Variants in ROBO2 observed in about 807,000 individuals in gnomAD.
ROBO2 encodes the protein roundabout guidance receptor 2.
Under a neutral mutation model 160.8 loss-of-function variants are expected in ROBO2, and 53 were observed. The ratio of observed to expected loss-of-function variants is 0.33; its 90% CI spans 0.26 to 0.41. ROBO2 has a LOEUF of 0.41. Ranked by LOEUF, ROBO2 falls within the 10% of genes least tolerant of loss-of-function variation. ROBO2 has a pLI of 1.00. For synonymous variants in ROBO2, 664 were observed against 611.7 expected (o/e 1.09, Z -1.26); for missense variants, 1,577 against 1,722.4 (o/e 0.92, Z 1.49).
At chr3:77,612,536 TG>T (rs2094668532) in intron 21 of ROBO2, among the ~76,000 whole-genome samples, 2 of 152,176 alleles carry the variant, frequency 1.3e-5, no homozygotes, top group African/African-American at 4.8e-5. Flanking sequence ...TTTTGGTACA[TG>T]GTAGGTAGAT....
At chr3:75,958,143 A>G (rs552957458) in intron 2 of ROBO2, among the ~76,000 whole-genome samples, 2 of 151,956 alleles carry the variant, frequency 1.3e-5, no homozygotes, top group South Asian at 4.1e-4. Flanking sequence ...CTTAGAATTT[A>G]GAATTTGGTG....
intron 1 of ROBO2, among the ~76,000 whole-genome samples, chr3:75,921,824 A>G (rs529431826): frequency 1.3e-5 from 2 of 152,320 alleles, no homozygotes; most frequent in African/African-American, 4.8e-5. Flanking sequence ...AATGTTAAGT[A>G]GTAGAAATAT....
intron 20 of ROBO2, among the ~76,000 whole-genome samples, chr3:77,604,325 C>A (rs1336543006): frequency 2.6e-5 from 4 of 152,042 alleles, no homozygotes; most frequent in Non-Finnish European, 5.9e-5. Flanking sequence ...TTATCCTGGG[C>A]TTCCTTTTTA....
intron 2 of ROBO2, among the ~76,000 whole-genome samples, chr3:75,946,499 T>A (rs1257606017): frequency 1.3e-5 from 2 of 152,124 alleles, no homozygotes; most frequent in Non-Finnish European, 2.9e-5. Flanking sequence ...GGTACACTAC[T>A]GTGAAGAAGA....
intron 7 of ROBO2, among the ~76,000 whole-genome samples, chr3:77,549,997 G>A (rs533664196): frequency 8.7e-6 from 1 of 114,628 alleles, no homozygotes; most frequent in East Asian, 2.5e-4. Flanking sequence ...ATACTCAAAT[G>A]TTTTTCTTAA....
chr3:75,999,038 G>C (rs1189439987), intron 2 of ROBO2, among the ~76,000 whole-genome samples: 1 of 152,178 alleles, frequency 6.6e-6, no homozygotes, highest in Non-Finnish European at 1.5e-5. Context: ...AGGTGGTAGA[G>C]TGTAGTGAAT....
chr3:76,296,684 G>C (rs1240592335), intron 2 of ROBO2, among the ~76,000 whole-genome samples: 1 of 152,158 alleles, frequency 6.6e-6, no homozygotes, highest in Admixed American at 6.5e-5. Flanking sequence ...AGTATTTCTT[G>C]TGCAACTATG....
chr3:77,136,641 A>ATTT (rs1328396109), intron 2 of ROBO2, among the ~76,000 whole-genome samples: 1 of 140,242 alleles, frequency 7.1e-6, no homozygotes, highest in African/African-American at 2.6e-5. Flanking sequence ...CACCCAATTA[A>ATTT]TTTTTTTTTT....
chr3:76,211,351 C>G (rs1443633282), intron 2 of ROBO2, among the ~76,000 whole-genome samples: 1 of 151,996 alleles, frequency 6.6e-6, no homozygotes, highest in East Asian at 1.9e-4. Context: ...AATTTAAGAA[C>G]TTGTTCAGCT....
chr3:76,558,764 A>G (rs991145036), intron 2 of ROBO2, among the ~76,000 whole-genome samples: 6 of 152,110 alleles, frequency 3.9e-5, no homozygotes. Flanking sequence ...AACATTGAAC[A>G]ATCGTTAGTA....
intron 2 of ROBO2, among the ~76,000 whole-genome samples, chr3:76,522,909 T>C (rs906614551): frequency 6.6e-6 from 1 of 151,330 alleles, no homozygotes; most frequent in Non-Finnish European, 1.5e-5. Context: ...TGTGATGATT[T>C]GTATATACAG....
chr3:75,982,328 A>G (rs2065302499), intron 2 of ROBO2, among the ~76,000 whole-genome samples: 1 of 150,950 alleles, frequency 6.6e-6, no homozygotes, highest in Non-Finnish European at 1.5e-5. Context: ...CTCAATTTTT[A>G]GTTTTTTGAG....
intron 2 of ROBO2, among the ~76,000 whole-genome samples, chr3:76,572,350 G>A (rs75687697): frequency 0.029 from 4,446 of 152,136 alleles, 175 homozygotes; most frequent in African/African-American, 0.089. Context: ...TGTGCCTGAG[G>A]TAGGGTGGTT....
At chr3:75,949,360 AT>A (rs1948448370) in intron 2 of ROBO2, among the ~76,000 whole-genome samples, 1 of 152,076 alleles carries the variant, frequency 6.6e-6, no homozygotes, top group Admixed American at 6.6e-5. Flanking sequence ...ATACACAGAT[AT>A]CCTTTTCCAT....
intron 2 of ROBO2, among the ~76,000 whole-genome samples, chr3:76,299,456 G>A (rs572145154): frequency 1.3e-5 from 2 of 152,274 alleles, no homozygotes; most frequent in South Asian, 2.1e-4. Flanking sequence ...GGCTGGCACA[G>A]AGAAAATAAA....
In ROBO2 at chr3:76,654,883, A is replaced by G. The variant is rs372323495; in HGVS notation, c.110-443131A>G. Among the ~76,000 whole-genome samples the G allele has an allele frequency of 1.3e-4, 19 of 147,346 alleles. 1 individual carries two copies. In the South Asian group the frequency reaches 2.6e-3, roughly 20 times the overall value. ...CACACGTACATATATGTGTGCGTAT[A>G]TACATATGCATGTGTGTACATATGT... is the stretch of plus-strand genomic sequence containing the variant. On this transcript the variant is annotated intron_variant, in intron 2 of 26. Coordinates refer to the ROBO2 transcript ENST00000487694.
rs949129649 is a variant in ROBO2 at position 76,569,397 on chromosome 3, A to G, written c.110-528617A>G. ...ATATAAAATATAATTACATATCTTC[A>G]TATCAATTGAGATCAAGGCTTGTCG... On this transcript the variant is annotated intron_variant, in intron 2 of 26. Coordinates refer to the ROBO2 transcript ENST00000487694. 2.0e-5 allele frequency among the ~76,000 whole-genome samples: 3 copies of G among 152,210 alleles called. No individual in the cohort carries two copies. In the East Asian group the frequency reaches 5.8e-4, roughly 29 times the overall value.
At chr3:76,656,895 T>G (rs1474937298) in intron 2 of ROBO2, among the ~76,000 whole-genome samples, 1 of 152,182 alleles carries the variant, frequency 6.6e-6, no homozygotes, top group Admixed American at 6.5e-5. Flanking sequence ...GCATTGTGAT[T>G]GCAACCCTTA....
intron 2 of ROBO2, among the ~76,000 whole-genome samples, chr3:76,992,347 A>T (rs1465542426): frequency 5.7e-5 from 4 of 70,694 alleles, no homozygotes; most frequent in Admixed American, 2.0e-4. Flanking sequence ...ATATATATAT[A>T]TATATATATA....
Sources: gnomAD v4.1 joint callset for allele counts (sites outside exome capture counted in the v4.1 genomes callset) on GRCh38, gnomAD v4.1.1 for gene constraint, MANE v1.5 for transcripts, NCBI Gene and HGNC (gene_info 2026-07-23, HGNC 2026-07-21) for gene names.